OR13C9: variants seen among roughly 807,000 people sequenced by gnomAD.
OR13C9 encodes the protein olfactory receptor 13C9.
For synonymous variants in OR13C9, 133 were observed against 134.9 expected (o/e 0.99, Z 0.10); for missense variants, 368 against 382.2 (o/e 0.96, Z 0.31).
chr9:104,617,404 T>G lies in OR13C9; in HGVS notation c.801A>C (p.Thr267=). The G allele has an allele frequency of 6.2e-7, 1 of 1,613,902 alleles. No individual in the cohort carries two copies. Among genetic ancestry groups the G allele is most frequent in the Non-Finnish European group, 8.5e-7 (1 of 1,179,910 alleles). Residue 267 remains threonine (T), a synonymous_variant, in exon 1 of 1, where the codon ACA becomes ACC. Transcript: ENST00000259362. ...TAGCATCCAAGTCATCTGAATTAAG[T>G]GTCTCTTTAGACTTGGGCTTCATAT... ...FMYMKPKSKE[T]LNSDDLDATD...
Position 104,618,180 on chromosome 9 carries a change from G to A in OR13C9, c.25C>T (p.Leu9=), listed in dbSNP as rs751713570. MEWENQTI[L]VEFFLKGHSV... is the part of the protein sequence containing the mutation. ...TGTCCCTTCAGAAAAAATTCCACCA[G>A]AATGGTTTGGTTTTCCCATTCCATT... The change falls in exon 1 of 1, where the codon CTG becomes TTG. Residue 9 remains leucine (L), a synonymous_variant. Coordinates refer to ENST00000259362, the MANE Select transcript of OR13C9 (RefSeq NM_001001956.1). 6.2e-7 allele frequency: 1 copy of A among 1,613,154 alleles called. No homozygotes were observed. The highest frequency in any genetic ancestry group is 2.2e-5 in the East Asian group (1 of 44,876).
rs746346157 is a variant in OR13C9 at position 104,617,926 on chromosome 9, G to A, written c.279C>T (p.Ser93=). Residue 93 remains serine, a synonymous_variant, in exon 1 of 1, where the codon TCC becomes TCT. Transcript: ENST00000259362. ...ACATCTGCACTGCACAGCCAGAAAA[G>A]GAAATGGTCTTTCTTTCTGAAAGGA... ...VSFLSERKTI[S]FSGCAVQMFL... 25 of 1,613,920 alleles carry A rather than the reference G, an allele frequency of 1.5e-5. No homozygotes were observed. The highest frequency in any genetic ancestry group is 2.2e-5 in the East Asian group (1 of 44,892).
In OR13C9 at chr9:104,617,485, G is replaced by T. The variant is rs1342827181; in HGVS notation, c.720C>A (p.Thr240=). The T allele has an allele frequency of 6.2e-7, 1 of 1,613,854 alleles. No homozygotes were observed. Among genetic ancestry groups the T allele is most frequent in the Non-Finnish European group, 8.5e-7 (1 of 1,179,930 alleles). The change falls in exon 1 of 1, where the codon ACC becomes ACA. Residue 240 remains threonine (T), a synonymous_variant. Coordinates refer to ENST00000259362, the MANE Select transcript of OR13C9 (RefSeq NM_001001956.1). Reference sequence around the variant, plus strand: ...TGACCACAGTCAGATGGGCTGAGCAGGTAGAGAAAGCTTTGCTTCTCCCCT... The same window carrying T: ...TGACCACAGTCAGATGGGCTGAGCATGTAGAGAAAGCTTTGCTTCTCCCCT... ...SSEGRSKAFS[T]CSAHLTVVII... is the part of the protein sequence containing the mutation.
chr9:104,617,788 A>G lies in OR13C9; in HGVS notation c.417T>C (p.Asn139=), dbSNP rs80104969. Residue 139 remains asparagine (N), a synonymous_variant, in exon 1 of 1, where the codon AAT becomes AAC. Coordinates refer to ENST00000259362, the MANE Select transcript of OR13C9 (RefSeq NM_001001956.1). ...ACCCAACAGCCATGGGTACATAGGC[A>G]TTCTTGCTCATGATGATGGGATATC... ...PLRYPIIMSK[N]AYVPMAVGSW... is the part of the protein sequence containing the mutation. 167 of 1,613,938 alleles carry G rather than the reference A, an allele frequency of 1.0e-4. No individual in the cohort carries two copies. Among genetic ancestry groups the G allele is most frequent in the Non-Finnish European group, 1.3e-4 (148 of 1,179,992 alleles).
chr9:104,617,436 A>C lies in OR13C9; in HGVS notation c.769T>G (p.Phe257Val). Residue 257 changes from phenylalanine (F) to valine (V), a missense_variant, in exon 1 of 1, where the codon TTC (phenylalanine) becomes GTC (valine). Physicochemically the swap from Phe to Val is conservative, Grantham distance 50. Transcript: ENST00000259362. ...VVIIFYGTIL[F>V]MYMKPKSKET... Reference sequence around the variant, plus strand: ...TTAGACTTGGGCTTCATATACATGAAGAGGATGGTCCCATAGAATATTATG... The same window carrying C: ...TTAGACTTGGGCTTCATATACATGACGAGGATGGTCCCATAGAATATTATG... 4.3e-6 allele frequency: 7 copies of C among 1,613,888 alleles called. No homozygotes were observed. Among genetic ancestry groups the C allele is most frequent in the Non-Finnish European group, 5.1e-6 (6 of 1,179,942 alleles).
In OR13C9 at chr9:104,618,024, A is replaced by C; in HGVS notation, c.181T>G (p.Phe61Val). ...LDPHLHTPMY[F>V]FLGNLSFLDI... ...AAGAAGGAGAGGTTCCCCAGAAAGA[A>C]GTACATAGGGGTGTGAAGGTGAGGG... Residue 61 changes from phenylalanine to valine, a missense_variant, in exon 1 of 1, where the codon TTC (phenylalanine) becomes GTC (valine). Physicochemically the swap from Phe to Val is conservative, Grantham distance 50 (BLOSUM62 -1). Coordinates refer to ENST00000259362, the MANE Select transcript of OR13C9 (RefSeq NM_001001956.1). The C allele has an allele frequency of 6.2e-7, 1 of 1,613,916 alleles. No homozygotes were observed. The highest frequency in any genetic ancestry group is 8.5e-7 in the Non-Finnish European group (1 of 1,179,934).
At position 104,617,800 on chromosome 9, in the gene OR13C9, G is replaced by C; in HGVS notation, c.405C>G (p.Ile135Met). The C allele has an allele frequency of 6.2e-7, 1 of 1,614,026 alleles. No individual in the cohort carries two copies. The highest frequency in any genetic ancestry group is 1.7e-5 in the Admixed American group (1 of 59,978). ...AICNPLRYPI[I>M]MSKNAYVPMA... Reference sequence around the variant, plus strand: ...TGGGTACATAGGCATTCTTGCTCATGATGATGGGATATCTCAGAGGGTTGC... The same window carrying C: ...TGGGTACATAGGCATTCTTGCTCATCATGATGGGATATCTCAGAGGGTTGC... Residue 135 changes from isoleucine to methionine, a missense_variant, in exon 1 of 1, where the codon ATC becomes ATG. Physicochemically the swap from Ile to Met is conservative, Grantham distance 10. Coordinates refer to ENST00000259362, the MANE Select transcript of OR13C9 (RefSeq NM_001001956.1).
Position 104,618,198 on chromosome 9 carries a change from A to G in OR13C9, c.7T>C (p.Trp3Arg), listed in dbSNP as rs1251826709. ...TCCACCAGAATGGTTTGGTTTTCCC[A>G]TTCCATTTAAATGTCTCTCTTTTAC... ME[W>R]ENQTILVEFF... Residue 3 changes from tryptophan (W) to arginine (R), a missense_variant, in exon 1 of 1, where the codon TGG (tryptophan) becomes CGG (arginine). Coordinates refer to ENST00000259362, the MANE Select transcript of OR13C9 (RefSeq NM_001001956.1). 9 of 1,610,018 alleles carry G rather than the reference A, an allele frequency of 5.6e-6. No individual in the cohort carries two copies. The highest frequency in any genetic ancestry group is 1.1e-5 in the South Asian group (1 of 90,716).
chr9:104,618,061 G>A lies in OR13C9; in HGVS notation c.144C>T (p.Ile48=), dbSNP rs1826476783. The A allele has an allele frequency of 6.2e-7, 1 of 1,613,712 alleles. No individual in the cohort carries two copies. The highest frequency in any genetic ancestry group is 1.7e-5 in the Admixed American group (1 of 59,930). Residue 48 remains isoleucine (I), a synonymous_variant, in exon 1 of 1, where the codon ATC becomes ATT. Transcript: ENST00000259362. ...TGTGAAGGTGAGGGTCCAAGATGCT[G>A]ATTAAAATGAGAGTACCATTCCCCA... ...ILLGNGTLIL[I]SILDPHLHTP... is the part of the protein sequence containing the mutation.
In OR13C9 at chr9:104,617,412, T is replaced by G; in HGVS notation, c.793A>C (p.Lys265Gln). 6.2e-7 allele frequency: 1 copy of G among 1,613,900 alleles called. No homozygotes were observed. ...ILFMYMKPKS[K>Q]ETLNSDDLDA... ...AAGTCATCTGAATTAAGTGTCTCTT[T>G]AGACTTGGGCTTCATATACATGAAG... Residue 265 changes from lysine to glutamine, a missense_variant, in exon 1 of 1, where the codon AAA becomes CAA. Transcript: ENST00000259362.
Position 104,618,198 on chromosome 9 carries a change from A to C in OR13C9, c.7T>G (p.Trp3Gly). ME[W>G]ENQTILVEFF... The stretch of plus-strand genomic sequence containing the variant: ...TCCACCAGAATGGTTTGGTTTTCCC[A>C]TTCCATTTAAATGTCTCTCTTTTAC... The change falls in exon 1 of 1, where the codon TGG becomes GGG. Residue 3 changes from tryptophan to glycine, a missense_variant. Transcript: ENST00000259362. The C allele has an allele frequency of 6.2e-7, 1 of 1,610,018 alleles. No homozygotes were observed. The highest frequency in any genetic ancestry group is 1.1e-5 in the South Asian group (1 of 90,716).
rs1382334143 is a variant in OR13C9, at chr9:104,617,791, C to T, written c.414G>A (p.Lys138=). ...CAACAGCCATGGGTACATAGGCATT[C>T]TTGCTCATGATGATGGGATATCTCA... The part of the protein sequence containing the change: ...NPLRYPIIMS[K]NAYVPMAVGS... The change falls in exon 1 of 1, where the codon AAG becomes AAA. Residue 138 remains lysine (K), a synonymous_variant. Coordinates refer to ENST00000259362, the MANE Select transcript of OR13C9 (RefSeq NM_001001956.1). 4 of 1,613,916 alleles carry T rather than the reference C, an allele frequency of 2.5e-6. No individual in the cohort carries two copies. In the African/African-American group the frequency reaches 5.3e-5, roughly 22 times the overall value.
In OR13C9 at chr9:104,617,733, C is replaced by A. The variant is rs1235223471; in HGVS notation, c.472G>T (p.Val158Leu). Residue 158 changes from valine (V) to leucine (L), a missense_variant, in exon 1 of 1, where the codon GTA (valine) becomes TTA (leucine). Physicochemically the swap from Val to Leu is conservative, Grantham distance 32. Coordinates refer to ENST00000259362, the MANE Select transcript of OR13C9 (RefSeq NM_001001956.1). ...AATTGTACTACAAATGTAGTTTGTA[C>A]TGCAGAGTTGACAATCCCTGCAAAC... ...SWFAGIVNSA[V>L]QTTFVVQLPF... The A allele has an allele frequency of 6.2e-7, 1 of 1,613,820 alleles. No homozygotes were observed. The highest frequency in any genetic ancestry group is 8.5e-7 in the Non-Finnish European group (1 of 1,179,870).
rs1331371443 is a variant in OR13C9 at position 104,617,635 on chromosome 9, A to G, written c.570T>C (p.Ala190=). ...TGAGGAACTCATTGCCTGAGATGTC[A>G]GCACAGGCCAACTTCATGACAGCTA... is the stretch of plus-strand genomic sequence containing the variant. ...EILAVMKLAC[A]DISGNEFLML... Residue 190 remains alanine, a synonymous_variant, in exon 1 of 1, where the codon GCT becomes GCC. Transcript: ENST00000259362. 1 of 1,613,856 alleles carries G rather than the reference A, an allele frequency of 6.2e-7. No homozygotes were observed. The highest frequency in any genetic ancestry group is 8.5e-7 in the Non-Finnish European group (1 of 1,179,964).
At position 104,618,155 on chromosome 9, in the gene OR13C9, T is replaced by A. The variant is rs149936136; in HGVS notation, c.50A>T (p.His17Leu). 3.0e-5 allele frequency: 48 copies of A among 1,613,752 alleles called. No individual in the cohort carries two copies. Among genetic ancestry groups the A allele is most frequent in the African/African-American group, 2.3e-4 (17 of 75,026 alleles). Reference sequence around the variant, plus strand: ...TAACTCAAGCCTTGGGTGAACAGAATGTCCCTTCAGAAAAAATTCCACCAG... The same window carrying A: ...TAACTCAAGCCTTGGGTGAACAGAAAGTCCCTTCAGAAAAAATTCCACCAG... ...TILVEFFLKGHSVHPRLELLF... is the reference protein window; with the variant it reads ...TILVEFFLKGLSVHPRLELLF... Residue 17 changes from histidine (H) to leucine (L), a missense_variant, in exon 1 of 1, where the codon CAT becomes CTT. Coordinates refer to ENST00000259362, the MANE Select transcript of OR13C9 (RefSeq NM_001001956.1).
Position 104,617,825 on chromosome 9 carries a change from C to A in OR13C9, c.380G>T (p.Cys127Phe). Residue 127 changes from cysteine to phenylalanine, a missense_variant, in exon 1 of 1, where the codon TGC becomes TTC. Coordinates refer to ENST00000259362, the MANE Select transcript of OR13C9 (RefSeq NM_001001956.1). Reference sequence around the variant, plus strand: ...GATGATGGGATATCTCAGAGGGTTGCAGATAGCCACATAGCGGTCAAAGGC... The same window carrying A: ...GATGATGGGATATCTCAGAGGGTTGAAGATAGCCACATAGCGGTCAAAGGC... ...MMAFDRYVAI[C>F]NPLRYPIIMS... 6.2e-7 allele frequency: 1 copy of A among 1,614,008 alleles called. No homozygotes were observed. The highest frequency in any genetic ancestry group is 8.5e-7 in the Non-Finnish European group (1 of 1,179,966).
chr9:104,617,848 G>A lies in OR13C9; in HGVS notation c.357C>T (p.Ala119=). The A allele has an allele frequency of 6.2e-7, 1 of 1,613,984 alleles. No homozygotes were observed. Among genetic ancestry groups the A allele is most frequent in the Non-Finnish European group, 8.5e-7 (1 of 1,179,970 alleles). ...TGCAGATAGCCACATAGCGGTCAAA[G>A]GCCATCATGCCCAGAAGCACACACT... The part of the protein sequence containing the change: ...TTECVLLGMM[A]FDRYVAICNP... Residue 119 remains alanine, a synonymous_variant, in exon 1 of 1, where the codon GCC becomes GCT. Coordinates refer to ENST00000259362, the MANE Select transcript of OR13C9 (RefSeq NM_001001956.1).
At position 104,617,647 on chromosome 9, in the gene OR13C9, C is replaced by T. The variant is rs752184164; in HGVS notation, c.558G>A (p.Lys186=). Residue 186 remains lysine, a synonymous_variant, in exon 1 of 1, where the codon AAG becomes AAA. Transcript: ENST00000259362. ...HFSCEILAVM[K]LACADISGNE... is the part of the protein sequence containing the mutation. ...TGCCTGAGATGTCAGCACAGGCCAA[C>T]TTCATGACAGCTAGAATTTCACATG... 1 of 1,613,940 alleles carries T rather than the reference C, an allele frequency of 6.2e-7. No individual in the cohort carries two copies. Among genetic ancestry groups the T allele is most frequent in the Admixed American group, 1.7e-5 (1 of 59,968 alleles).
rs916897479 is a variant in OR13C9 at position 104,617,858 on chromosome 9, C to T, written c.347G>A (p.Gly116Asp). 1.2e-6 allele frequency: 2 copies of T among 1,613,878 alleles called. No homozygotes were observed. Among genetic ancestry groups the T allele is most frequent in the Non-Finnish European group, 1.7e-6 (2 of 1,179,982 alleles). The change falls in exon 1 of 1, where the codon GGC becomes GAC. Residue 116 changes from glycine (G) to aspartate (D), a missense_variant. By Grantham distance (94) the Gly-to-Asp change is moderately conservative (BLOSUM62 -1). Transcript: ENST00000259362. ...CACATAGCGGTCAAAGGCCATCATG[C>T]CCAGAAGCACACACTCTGTTGTCCC... ...AMGTTECVLL[G>D]MMAFDRYVAI...
Sources: allele counts gnomAD v4.1 joint callset, GRCh38; gene constraint gnomAD v4.1.1; transcripts MANE v1.5; gene names NCBI Gene and HGNC (gene_info 2026-07-23, HGNC 2026-07-21).